FRMD4A: variants seen among roughly 807,000 people sequenced by gnomAD.
The protein encoded by FRMD4A is FERM domain containing 4A, also known as FERM domain-containing protein 4A.
FRMD4A carries 29 observed loss-of-function variants against 129.1 expected under a neutral mutation model. The observed-to-expected ratio is 0.22, with a 90% CI of 0.17 to 0.31. The LOEUF is 0.31. Among genes scored for constraint, FRMD4A ranks in the 10% least tolerant of loss-of-function variants. The pLI is 1.00. For synonymous variants in FRMD4A, 634 were observed against 571.6 expected (o/e 1.11, Z -1.56); for missense variants, 1,272 against 1,375.8 (o/e 0.92, Z 1.19).
intron 2 of FRMD4A, among the ~76,000 whole-genome samples, chr10:14,036,214 G>A (rs544579493): frequency 6.6e-5 from 10 of 152,256 alleles, no homozygotes; most frequent in Admixed American, 6.5e-5. Flanking sequence ...TGGTGACCTC[G>A]GAATCCTTGT....
intron 2 of FRMD4A, among the ~76,000 whole-genome samples, chr10:14,094,372 T>A (rs1836828856): frequency 6.6e-6 from 1 of 152,190 alleles, no homozygotes; most frequent in African/African-American, 2.4e-5. Context: ...TGGGGGACGA[T>A]CACAGAACTG....
In FRMD4A at chr10:13,684,365, A is replaced by C. The variant is rs550556433; in HGVS notation, c.1118-9321T>G. The C allele has an allele frequency of 4.1e-5, 40 of 985,130 alleles. No homozygotes were observed. The South Asian group carries it at 1.6e-3, about 38-fold the overall frequency. The allele number at this position is 985,130 out of a possible 1,614,324, so 61.0% of individuals were successfully genotyped here. On this transcript the variant is annotated intron_variant, in intron 15 of 24. Coordinates refer to ENST00000357447, the MANE Select transcript of FRMD4A (RefSeq NM_018027.5). ...TTCGGGGGCATTTGGAAATCTTTGGAGTGAACTTCCCGATGCTATGAACAT... is the reference window on the plus strand; with the variant it reads ...TTCGGGGGCATTTGGAAATCTTTGGCGTGAACTTCCCGATGCTATGAACAT...
At chr10:13,914,229 A>G (rs2094975004) in intron 2 of FRMD4A, among the ~76,000 whole-genome samples, 4 of 152,212 alleles carry the variant, frequency 2.6e-5, no homozygotes, top group Admixed American at 2.6e-4. Flanking sequence ...GTTTCTCATG[A>G]TCTACTCAAG....
At chr10:13,972,854 T>G (rs955774960) in intron 2 of FRMD4A, among the ~76,000 whole-genome samples, 1 of 152,238 alleles carries the variant, frequency 6.6e-6, no homozygotes, top group Admixed American at 6.5e-5. Flanking sequence ...TCATTTTGAT[T>G]GCACAGTCCT....
chr10:13,700,174 C>T (rs2086662000), intron 14 of FRMD4A, among the ~76,000 whole-genome samples: 1 of 151,652 alleles, frequency 6.6e-6, no homozygotes, highest in South Asian at 2.1e-4. Context: ...TCTGGAATTC[C>T]TGAGCTCAAG....
chr10:14,132,751 C>T (rs898605825), intron 2 of FRMD4A, among the ~76,000 whole-genome samples: 3 of 152,242 alleles, frequency 2.0e-5, no homozygotes, highest in African/African-American at 7.2e-5. Context: ...CACTGTGGGG[C>T]TCCCACGCAG....
intron 2 of FRMD4A, among the ~76,000 whole-genome samples, chr10:14,050,832 G>A (rs117453017): frequency 0.011 from 1,693 of 152,308 alleles, 29 homozygotes; most frequent in Middle Eastern, 0.058. Flanking sequence ...ACGCCCTCCC[G>A]CATGCCCTGC....
At chr10:13,763,763 T>C (rs1300057203) in intron 6 of FRMD4A, among the ~76,000 whole-genome samples, 1 of 152,080 alleles carries the variant, frequency 6.6e-6, no homozygotes, top group Non-Finnish European at 1.5e-5. Flanking sequence ...TGAGACAGAG[T>C]CTTGCTGTGT....
At position 13,943,449 on chromosome 10, in the gene FRMD4A, A is replaced by G. The variant is rs530702740; in HGVS notation, c.46-84537T>C. ...TGGATCACAAGGTCAAGAGATCTAG[A>G]CCAGCCTGGCCAACATGGTGAAACC... On this transcript the variant is annotated intron_variant, in intron 2 of 24. Coordinates refer to ENST00000357447, the MANE Select transcript of FRMD4A (RefSeq NM_018027.5). Among the ~76,000 whole-genome samples, 7 of 152,126 alleles carry G rather than the reference A, an allele frequency of 4.6e-5. No homozygotes were observed. The East Asian group carries it at 1.2e-3, about 25-fold the overall frequency.
chr10:14,151,609 A>G (rs1840342845), intron 2 of FRMD4A, among the ~76,000 whole-genome samples: 1 of 152,146 alleles, frequency 6.6e-6, no homozygotes, highest in South Asian at 2.1e-4. Flanking sequence ...TGTAATACCC[A>G]TGTGATAAGC....
chr10:13,968,103 CCTT>C (rs1304511802), intron 2 of FRMD4A, among the ~76,000 whole-genome samples: 2 of 152,104 alleles, frequency 1.3e-5, no homozygotes, highest in Non-Finnish European at 2.9e-5. Flanking sequence ...GAATGAGGCC[CCTT>C]CAGTTCAGTG....
intron 3 of FRMD4A, among the ~76,000 whole-genome samples, chr10:13,833,448 A>C (rs1373778280): frequency 6.6e-6 from 1 of 152,190 alleles, no homozygotes; most frequent in African/African-American, 2.4e-5. Context: ...TTACAATTCA[A>C]GGTGAGATTT....
chr10:13,750,109 G>GAAAGAAAGAAAGAAATAAAGAAAGA (rs59377985), intron 8 of FRMD4A, among the ~76,000 whole-genome samples: 1 of 73,578 alleles, frequency 1.4e-5, no homozygotes, highest in African/African-American at 5.8e-5. Context: ...AGAAAGAAAT[G>GAAAGAAAGAAAGAAATAAAGAAAGA]AAGAAAGAAA....
intron 2 of FRMD4A, among the ~76,000 whole-genome samples, chr10:14,177,860 C>T (rs1034902980): frequency 3.3e-5 from 5 of 152,092 alleles, no homozygotes; most frequent in African/African-American, 1.2e-4. Context: ...GGGTTGTTCA[C>T]CATATTTTTA....
At chr10:13,839,164 T>G (rs910212478) in intron 3 of FRMD4A, among the ~76,000 whole-genome samples, 4 of 151,848 alleles carry the variant, frequency 2.6e-5, no homozygotes, top group African/African-American at 9.7e-5. Flanking sequence ...CCTAGCTAAT[T>G]AAAATTTTTG....
chr10:13,817,955 T>C (rs2093571242), intron 3 of FRMD4A, among the ~76,000 whole-genome samples: 1 of 152,186 alleles, frequency 6.6e-6, no homozygotes, highest in Admixed American at 6.5e-5. Flanking sequence ...CAGTATACTA[T>C]ACTACATACA....
chr10:13,953,428 G>A (rs558564423), intron 2 of FRMD4A, among the ~76,000 whole-genome samples: 8 of 152,256 alleles, frequency 5.3e-5, no homozygotes, highest in African/African-American at 1.7e-4. Context: ...TCCAAAGATG[G>A]TCAATGGGAA....
At chr10:14,052,366 C>T (rs190076820) in intron 2 of FRMD4A, among the ~76,000 whole-genome samples, 1 of 152,318 alleles carries the variant, frequency 6.6e-6, no homozygotes, top group East Asian at 1.9e-4. Context: ...AAAGGAGTAC[C>T]TGAAGCTGGG....
intron 2 of FRMD4A, among the ~76,000 whole-genome samples, chr10:14,109,926 A>ATGACAC (rs945032053): frequency 4.0e-5 from 6 of 150,822 alleles, no homozygotes; most frequent in African/African-American, 1.5e-4. Context: ...AGCCAAGATC[A>ATGACAC]CGACACTGCA....
Sources: allele counts gnomAD v4.1 joint callset (sites outside exome capture counted in the v4.1 genomes callset), GRCh38; gene constraint gnomAD v4.1.1; transcripts MANE v1.5; gene names NCBI Gene and HGNC (gene_info 2026-07-23, HGNC 2026-07-21).